Variants in ITGA11 observed in about 807,000 individuals in gnomAD.
ITGA11 encodes the protein integrin subunit alpha 11.
In ITGA11, 97 loss-of-function variants were observed where a neutral mutation model predicts 141.9. The ratio of observed to expected loss-of-function variants is 0.68; its 90% CI spans 0.58 to 0.81. ITGA11 has a LOEUF of 0.81. Ranked by LOEUF, ITGA11 falls within the 30% of genes least tolerant of loss-of-function variation. The pLI, the probability that ITGA11 is intolerant of heterozygous loss-of-function variation, is 0.00. For synonymous variants in ITGA11, 658 were observed against 624.6 expected (o/e 1.05, Z -0.80); for missense variants, 1,387 against 1,559.2 (o/e 0.89, Z 1.86).
intron 10 of ITGA11, among the ~76,000 whole-genome samples, chr15:68,340,327 G>A (rs1344473819): frequency 6.6e-6 from 1 of 152,162 alleles, no homozygotes; most frequent in African/African-American, 2.4e-5. Context: ...AAAAGTCTTC[G>A]AGGATGTCAT....
chr15:68,312,910 CTGGA>C, intron 23 of ITGA11, 47 bp from the exon 24 acceptor site: 1 of 1,367,572 alleles, frequency 7.3e-7, no homozygotes, highest in Middle Eastern at 1.8e-4. Context: ...TCAGGGCTGG[CTGGA>C]TGGACAGATG....
intron 11 of ITGA11, among the ~76,000 whole-genome samples, chr15:68,338,915 G>T (rs756705699): frequency 2.0e-5 from 3 of 152,194 alleles, no homozygotes; most frequent in Non-Finnish European, 4.4e-5. Context: ...AAGCCATGGC[G>T]AATGGGACAT....
intron 28 of ITGA11, among the ~76,000 whole-genome samples, chr15:68,306,371 C>T (rs538119185): frequency 1.3e-5 from 2 of 152,016 alleles, no homozygotes; most frequent in South Asian, 2.1e-4. Flanking sequence ...GGTGCCTGTA[C>T]CACACCTCCC....
Position 68,369,187 on chromosome 15 carries a change from G to T in ITGA11, c.262C>A (p.Leu88Met). 6.2e-7 allele frequency: 1 copy of T among 1,612,022 alleles called. No individual in the cohort carries two copies. Among genetic ancestry groups the T allele is most frequent in the Non-Finnish European group, 8.5e-7 (1 of 1,178,134 alleles). Residue 88 changes from leucine to methionine, a missense_variant, in exon 3 of 30, where the codon CTG becomes ATG. Coordinates refer to ENST00000315757, the MANE Select transcript of ITGA11 (RefSeq NM_001004439.2). Reference sequence around the variant, plus strand: ...AGAGACCACCAGCCCACGTTACCCAGGTTGAGTTTGGTGCAGTTCCCGTGG... The same window carrying T: ...AGAGACCACCAGCCCACGTTACCCATGTTGAGTTTGGTGCAGTTCCCGTGG... Reference protein sequence around the residue: ...VIHGNCTKLNLGRVTLSNVSE... With the variant: ...VIHGNCTKLNMGRVTLSNVSE...
chr15:68,297,393 A>G lies in ITGA11; in HGVS notation c.*5666T>C, dbSNP rs1369307388. On this transcript the variant is annotated 3_prime_UTR_variant, in exon 30 of 30. Coordinates refer to ENST00000315757, the MANE Select transcript of ITGA11 (RefSeq NM_001004439.2). ...GATTATTTCGTTTAGCATTGAATTA[A>G]TAGATTTAGGGACATCTGTACAGTT... The G allele has an allele frequency of 2.1e-5, 3 of 146,202 alleles. No individual in the cohort carries two copies. Among genetic ancestry groups the G allele is most frequent in the Non-Finnish European group, 4.5e-5 (3 of 67,024 alleles). 9.1% of individuals were successfully genotyped at this position (146,202 alleles called of 1,614,324 possible).
chr15:68,360,790 C>T (rs913141689), intron 5 of ITGA11, among the ~76,000 whole-genome samples: 3 of 152,148 alleles, frequency 2.0e-5, no homozygotes, highest in African/African-American at 4.8e-5. Context: ...GTCTCATTAT[C>T]CCCCAGAAAG....
In ITGA11 at chr15:68,348,860, T is replaced by A. The variant is rs1422101869; in HGVS notation, c.1101A>T (p.Ser367=). ...CCACGTGCGAGGAAAAGCCCGTCTG[T>A]GACATCTCCAGCCCAAAGGAGGTCT... ...KNETSFGLEM[S]QTGFSSHVVE... is the part of the protein sequence containing the mutation. The change falls in exon 10 of 30, where the codon TCA becomes TCT. Residue 367 remains serine (S), a synonymous_variant. Transcript: ENST00000315757. The A allele has an allele frequency of 1.9e-6, 3 of 1,609,664 alleles. No individual in the cohort carries two copies. Among genetic ancestry groups the A allele is most frequent in the Admixed American group, 1.7e-5 (1 of 59,570 alleles).
At chr15:68,419,798 C>CA (rs1429076995) in intron 1 of ITGA11, among the ~76,000 whole-genome samples, 1 of 152,228 alleles carries the variant, frequency 6.6e-6, no homozygotes, top group Non-Finnish European at 1.5e-5. Flanking sequence ...CTTGACCTCT[C>CA]AGAATTGCAG....
Position 68,335,115 on chromosome 15 carries a change from T to C in ITGA11, c.1425+582A>G, listed in dbSNP as rs1894305152. ...GAAGGGCCTGGACAGCACTCAGCTC[T>C]GGCCTAGAGAGGGCACAGATGCTGC... On this transcript the variant is annotated intron_variant, in intron 12 of 29. Coordinates refer to ENST00000315757, the MANE Select transcript of ITGA11 (RefSeq NM_001004439.2). This position sits in a 1 kb window ranked among gnomAD's most constrained non-coding sequence, Gnocchi z 4.9. 6.6e-6 allele frequency among the ~76,000 whole-genome samples: 1 copy of C among 152,154 alleles called. No homozygotes were observed. The highest frequency in any genetic ancestry group is 2.1e-4 in the South Asian group (1 of 4,820).
chr15:68,381,978 T>C (rs1186178095), intron 2 of ITGA11, among the ~76,000 whole-genome samples: 1 of 152,182 alleles, frequency 6.6e-6, no homozygotes, highest in Non-Finnish European at 1.5e-5. Context: ...GGGAGGTGGA[T>C]GGAGTGCAGG....
At chr15:68,366,787 A>C (rs1226004191) in intron 3 of ITGA11, among the ~76,000 whole-genome samples, 1 of 152,144 alleles carries the variant, frequency 6.6e-6, no homozygotes, top group Non-Finnish European at 1.5e-5. Flanking sequence ...GGCTTTGAGA[A>C]TCACATCACC....
Position 68,317,316 on chromosome 15 carries a change from G to C in ITGA11, c.2664C>G (p.Leu888=). 6.2e-7 allele frequency: 1 copy of C among 1,613,916 alleles called. No homozygotes were observed. Among genetic ancestry groups the C allele is most frequent in the Non-Finnish European group, 8.5e-7 (1 of 1,179,860 alleles). Residue 888 remains leucine, a synonymous_variant, in exon 21 of 30, where the codon CTC becomes CTG. Coordinates refer to ENST00000315757, the MANE Select transcript of ITGA11 (RefSeq NM_001004439.2). The part of the protein sequence containing the change: ...SIECVNEERR[L]QKQVCNVSYP... ...AGCTGACGTTGCAGACTTGCTTCTG[G>C]AGCCTCCTCTCCTCGTTCACACACT...
In ITGA11 at chr15:68,303,833, A is replaced by G. The variant is rs1245092547; in HGVS notation, c.3434T>C (p.Ile1145Thr). Residue 1145 changes from isoleucine (I) to threonine (T), a missense_variant, in exon 29 of 30, where the codon ATT becomes ACT. Coordinates refer to ENST00000315757, the MANE Select transcript of ITGA11 (RefSeq NM_001004439.2). The surrounding 1 kb of genome is among the most constrained non-coding windows in gnomAD (Gnocchi z 5.3). ...QEDWQVPIWIIVGSTLGGLLL... is the reference protein window; with the variant it reads ...QEDWQVPIWITVGSTLGGLLL... ...GAGGCCCCCCAGGGTGCTGCCTACAATGATCCAGATGGGGACCTGCCAGTC... is the reference window on the plus strand; with the variant it reads ...GAGGCCCCCCAGGGTGCTGCCTACAGTGATCCAGATGGGGACCTGCCAGTC... The G allele has an allele frequency of 1.2e-6, 2 of 1,613,242 alleles. No individual in the cohort carries two copies. The highest frequency in any genetic ancestry group is 1.7e-6 in the Non-Finnish European group (2 of 1,179,538).
intron 5 of ITGA11, 82 bp downstream of exon 5, chr15:68,361,508 C>T: frequency 1.1e-6 from 1 of 887,914 alleles, no homozygotes; most frequent in East Asian, 2.6e-5. Context: ...TGCTTTCTAG[C>T]CACAGGTTGT....
rs369217048 is a variant in ITGA11, at chr15:68,421,528, A to G, written c.52+10487T>C. ...CTGGGTGGGAGAGCCTCAAGGTACA[A>G]GGGCGGATGCAAGGAGGCCAGTGAG... On this transcript the variant is annotated intron_variant, in intron 1 of 29. Transcript: ENST00000315757. Among the ~76,000 whole-genome samples, 61 of 152,220 alleles carry G rather than the reference A, an allele frequency of 4.0e-4. No homozygotes were observed. In the East Asian group the frequency reaches 9.3e-3, roughly 23 times the overall value.
intron 2 of ITGA11, among the ~76,000 whole-genome samples, chr15:68,396,058 G>A (rs1115528): frequency 0.48 from 73,196 of 151,612 alleles, 18,179 homozygotes; most frequent in East Asian, 0.65. Flanking sequence ...GAATAACTGT[G>A]ATACAAAAAC....
chr15:68,330,353 G>T (rs985117497), intron 15 of ITGA11, among the ~76,000 whole-genome samples: 2 of 152,138 alleles, frequency 1.3e-5, no homozygotes, highest in African/African-American at 4.8e-5. Flanking sequence ...ATATACCACA[G>T]CATTAATAGT....
At chr15:68,387,250 C>T (rs1461069076) in intron 2 of ITGA11, among the ~76,000 whole-genome samples, 1 of 152,142 alleles carries the variant, frequency 6.6e-6, no homozygotes, top group Non-Finnish European at 1.5e-5. Context: ...ACTTCACCTC[C>T]AGCCCCATCT....
At chr15:68,411,426 C>T (rs901719170) in intron 1 of ITGA11, among the ~76,000 whole-genome samples, 1 of 152,218 alleles carries the variant, frequency 6.6e-6, no homozygotes, top group Non-Finnish European at 1.5e-5. Context: ...TTGGTGGCTC[C>T]CTGATCACAA....
Sources: allele counts gnomAD v4.1 joint callset (sites outside exome capture counted in the v4.1 genomes callset), GRCh38; gene constraint gnomAD v4.1.1; non-coding constraint Gnocchi (gnomAD v3.1); transcripts MANE v1.5; gene names NCBI Gene and HGNC (gene_info 2026-07-23, HGNC 2026-07-21).